Variants in SEZ6L observed in about 807,000 individuals in gnomAD.
The protein encoded by SEZ6L is seizure 6-like protein.
SEZ6L carries 37 observed loss-of-function variants against 106.2 expected under a neutral mutation model. That is an observed-to-expected ratio of 0.35 (90% CI 0.27 to 0.46). The LOEUF is 0.46. SEZ6L is among the 20% of genes least tolerant of loss of function. The pLI, the probability that SEZ6L is intolerant of heterozygous loss-of-function variation, is 1.00. For missense variants in SEZ6L, 1,172 were observed against 1,332.8 expected, an observed-to-expected ratio of 0.88 and a Z score of 1.88; for synonymous variants, 541 against 570.4, an observed-to-expected ratio of 0.95 and a Z score of 0.73.
intron 9 of SEZ6L, among the ~76,000 whole-genome samples, chr22:26,332,985 C>T (rs1601526726): frequency 6.6e-6 from 1 of 152,204 alleles, no homozygotes; most frequent in South Asian, 2.1e-4. Flanking sequence ...TGTTTGAATG[C>T]TTGATACTTG....
At chr22:26,265,119 G>GC (rs1313708036) in intron 1 of SEZ6L, among the ~76,000 whole-genome samples, 1 of 152,024 alleles carries the variant, frequency 6.6e-6, no homozygotes, top group Non-Finnish European at 1.5e-5. Context: ...GATCCTATAT[G>GC]CCCCACTCTC....
intron 1 of SEZ6L, among the ~76,000 whole-genome samples, chr22:26,245,668 G>A (rs373930354): frequency 1.2e-3 from 186 of 152,284 alleles, no homozygotes; most frequent in African/African-American, 4.3e-3. Context: ...AAAGAATGCT[G>A]GCTCTTAGAA....
At chr22:26,364,239 C>G (rs2083730226) in intron 12 of SEZ6L, among the ~76,000 whole-genome samples, 1 of 151,932 alleles carries the variant, frequency 6.6e-6, no homozygotes, top group African/African-American at 2.4e-5. Flanking sequence ...TGCTGGCTGT[C>G]CATTCCATCC....
At chr22:26,192,399 GT>G (rs138676583) in intron 1 of SEZ6L, among the ~76,000 whole-genome samples, 2,229 of 152,278 alleles carry the variant, frequency 0.015, 54 homozygotes, top group African/African-American at 0.051. Flanking sequence ...TTAAAGTTAT[GT>G]TTTTGAAACT....
chr22:26,319,270 A>G (rs1402214465), intron 9 of SEZ6L, among the ~76,000 whole-genome samples: 1 of 152,148 alleles, frequency 6.6e-6, no homozygotes, highest in Admixed American at 6.5e-5. Flanking sequence ...GCGTCTTCCC[A>G]GGGTTATTGC....
rs199816955 is a variant in SEZ6L, at chr22:26,268,707, GT to G, written c.95-23696del. Among the ~76,000 whole-genome samples the G allele has an allele frequency of 9.4e-3, 1,430 of 152,318 alleles. 18 individuals are homozygous for G. The highest frequency in any genetic ancestry group is 0.033 in the African/African-American group (1,364 of 41,560). On this transcript the variant is annotated intron_variant, in intron 1 of 16. Transcript: ENST00000248933. ...GTGCCTGTCCCGTGCATTGTAGGAT[GT>G]TTAGCAATACCCTCGGCTTCCATCC...
chr22:26,299,945 A>C (rs573419079), intron 5 of SEZ6L, among the ~76,000 whole-genome samples: 6 of 152,184 alleles, frequency 3.9e-5, no homozygotes, highest in Non-Finnish European at 8.8e-5. Context: ...TCCCCTCAGC[A>C]ATGTGACAGT....
At chr22:26,195,574 T>C (rs550977298) in intron 1 of SEZ6L, among the ~76,000 whole-genome samples, 1 of 152,352 alleles carries the variant, frequency 6.6e-6, no homozygotes, top group South Asian at 2.1e-4. Flanking sequence ...TTTATTCACT[T>C]ATTTAGCAAA....
intron 9 of SEZ6L, among the ~76,000 whole-genome samples, chr22:26,323,775 TTGATGATGA>T (rs149299221): frequency 2.0e-5 from 3 of 151,614 alleles, no homozygotes; most frequent in African/African-American, 7.3e-5. Flanking sequence ...CATTATCTCA[TTGATGATGA>T]TGATGATGAT....
At chr22:26,174,133 G>T (rs1488327236) in intron 1 of SEZ6L, among the ~76,000 whole-genome samples, 1 of 152,166 alleles carries the variant, frequency 6.6e-6, no homozygotes, top group Non-Finnish European at 1.5e-5. Flanking sequence ...GTGCCATGTG[G>T]TAAGTTCTTT....
At chr22:26,226,183 G>C (rs1291448946) in intron 1 of SEZ6L, among the ~76,000 whole-genome samples, 5 of 152,090 alleles carry the variant, frequency 3.3e-5, no homozygotes, top group Admixed American at 2.6e-4. Flanking sequence ...CACATTGCTT[G>C]CCATAGAGAT....
At chr22:26,243,882 A>T (rs559171568) in intron 1 of SEZ6L, among the ~76,000 whole-genome samples, 1 of 151,130 alleles carries the variant, frequency 6.6e-6, no homozygotes, top group African/African-American at 2.4e-5. Context: ...GAGCAGGGAG[A>T]CCTGGCGTGG....
At chr22:26,346,796 A>G (rs2146003924) in intron 10 of SEZ6L, among the ~76,000 whole-genome samples, 1 of 152,310 alleles carries the variant, frequency 6.6e-6, no homozygotes, top group African/African-American at 2.4e-5. Context: ...AAGTGATTCA[A>G]TAGAGAGCAA....
chr22:26,287,825 C>T (rs947247639), intron 1 of SEZ6L, among the ~76,000 whole-genome samples: 1 of 152,162 alleles, frequency 6.6e-6, no homozygotes, highest in African/African-American at 2.4e-5. Flanking sequence ...TTGGAGCCAG[C>T]TGGCAAGATC....
At chr22:26,273,321 C>T (rs1369329853) in intron 1 of SEZ6L, among the ~76,000 whole-genome samples, 6 of 152,266 alleles carry the variant, frequency 3.9e-5, no homozygotes, top group Non-Finnish European at 8.8e-5. Flanking sequence ...CACTGAGGCG[C>T]TCTGTGTAGC....
intron 1 of SEZ6L, among the ~76,000 whole-genome samples, chr22:26,264,337 G>T (rs2080109701): frequency 6.6e-6 from 1 of 152,178 alleles, no homozygotes; most frequent in Non-Finnish European, 1.5e-5. Flanking sequence ...CCCCGATCTT[G>T]TCACTTTGTA....
At chr22:26,269,150 T>C (rs540360855) in intron 1 of SEZ6L, among the ~76,000 whole-genome samples, 7 of 152,312 alleles carry the variant, frequency 4.6e-5, no homozygotes, top group Admixed American at 2.6e-4. Flanking sequence ...GGGATGTAAT[T>C]GTCTCCATGT....
intron 12 of SEZ6L, among the ~76,000 whole-genome samples, chr22:26,361,668 T>C (rs1349965109): frequency 2.0e-5 from 3 of 152,146 alleles, no homozygotes; most frequent in African/African-American, 7.2e-5. Context: ...TGTTTTATTC[T>C]CATAACAACA....
At chr22:26,294,884 TCTTTCTTG>T (rs1187712442) in intron 3 of SEZ6L, among the ~76,000 whole-genome samples, 5 of 137,754 alleles carry the variant, frequency 3.6e-5, no homozygotes, top group Non-Finnish European at 6.2e-5. Context: ...TTTCTTTCTT[TCTTTCTTG>T]CTTGCTTGCT....
Sources: gnomAD v4.1 joint callset for allele counts (sites outside exome capture counted in the v4.1 genomes callset) on GRCh38, gnomAD v4.1.1 for gene constraint, MANE v1.5 for transcripts, NCBI Gene and HGNC (gene_info 2026-07-23, HGNC 2026-07-21) for gene names.